ITGA8: variants seen among roughly 807,000 people sequenced by gnomAD.
ITGA8 encodes the protein integrin subunit alpha 8, also known as integrin alpha-8.
Under a neutral mutation model 142.3 loss-of-function variants are expected in ITGA8, and 91 were observed. That is an observed-to-expected ratio of 0.64 (90% CI 0.54 to 0.76). The LOEUF (loss-of-function observed/expected upper bound fraction) is 0.76, where lower values mean the gene tolerates loss of function less well. Among genes scored for constraint, ITGA8 ranks in the 30% least tolerant of loss-of-function variants. ITGA8 has a pLI of 0.00. For synonymous variants in ITGA8, 505 were observed against 485.2 expected, an observed-to-expected ratio of 1.04 and a Z score of -0.54; for missense variants, 1,406 against 1,327.7, an observed-to-expected ratio of 1.06 and a Z score of -0.92.
intron 27 of ITGA8, among the ~76,000 whole-genome samples, chr10:15,542,956 G>A (rs1833601468): frequency 6.6e-6 from 1 of 152,148 alleles, no homozygotes; most frequent in Non-Finnish European, 1.5e-5. Context: ...AGCGTAAAGA[G>A]CCATTTAGAT....
intron 7 of ITGA8, among the ~76,000 whole-genome samples, chr10:15,671,982 A>T (rs942409851): frequency 2.0e-5 from 3 of 151,976 alleles, no homozygotes; most frequent in African/African-American, 7.3e-5. Flanking sequence ...GTTGCATTTT[A>T]AGAGCTGCTG....
rs189353301 is a variant in ITGA8, at chr10:15,684,833, G to A, written c.445-706C>T. Reference sequence around the variant, plus strand: ...TCAGTGTGATGTCTTATGAGAACAAGTTCCTTTCTGTGTCTAATTATTGCT... The same window carrying A: ...TCAGTGTGATGTCTTATGAGAACAAATTCCTTTCTGTGTCTAATTATTGCT... On this transcript the variant is annotated intron_variant, in intron 3 of 29. Transcript: ENST00000378076. Among the ~76,000 whole-genome samples, 672 of 152,278 alleles carry A rather than the reference G, an allele frequency of 4.4e-3. 22 individuals are homozygous for A. Among genetic ancestry groups the A allele is most frequent in the Admixed American group, 0.04 (609 of 15,282 alleles).
At chr10:15,689,504 C>T (rs1447279070) in intron 2 of ITGA8, among the ~76,000 whole-genome samples, 1 of 152,194 alleles carries the variant, frequency 6.6e-6, no homozygotes, top group Non-Finnish European at 1.5e-5. Flanking sequence ...TGGACACCTG[C>T]AGTCTTTGCT....
intron 23 of ITGA8, among the ~76,000 whole-genome samples, chr10:15,581,020 G>A (rs911880502): frequency 1.3e-5 from 2 of 152,234 alleles, no homozygotes; most frequent in Non-Finnish European, 2.9e-5. Context: ...CAGCTTCTGG[G>A]GGGTAATGAG....
chr10:15,672,644 GA>G lies in ITGA8; in HGVS notation c.781del (p.Ser261ProfsTer46), dbSNP rs1200546899. ...GEKQTEVAPA[S>X]YDDSYLGYSV... ...CTTACCAAGGTAACTGTCATCATAGGAAGCTGGAGCCACTTCCGTCTGCTTT... is the reference window on the plus strand; with the variant it reads ...CTTACCAAGGTAACTGTCATCATAGGAGCTGGAGCCACTTCCGTCTGCTTT... On this transcript the variant is annotated frameshift_variant, in exon 7 of 30. Coordinates refer to ENST00000378076, the MANE Select transcript of ITGA8 (RefSeq NM_003638.3). LOFTEE classifies it high-confidence loss of function. The G allele has an allele frequency of 1.9e-6, 3 of 1,613,508 alleles. No individual in the cohort carries two copies. The Admixed American group carries it at 5.0e-5, about 27-fold the overall frequency.
chr10:15,669,650 A>G (rs1158517594), intron 8 of ITGA8, among the ~76,000 whole-genome samples: 1 of 151,666 alleles, frequency 6.6e-6, no homozygotes, highest in Non-Finnish European at 1.5e-5. Flanking sequence ...GGTTTTATCT[A>G]CCTTTGGTCT....
At chr10:15,610,857 T>A (rs1833281018) in intron 15 of ITGA8, among the ~76,000 whole-genome samples, 1 of 152,254 alleles carries the variant, frequency 6.6e-6, no homozygotes, top group Non-Finnish European at 1.5e-5. Flanking sequence ...ACTGGGTCGT[T>A]ACTCACTTTT....
intron 20 of ITGA8, among the ~76,000 whole-genome samples, chr10:15,600,303 T>C (rs1215025060): frequency 2.0e-5 from 3 of 152,220 alleles, no homozygotes; most frequent in South Asian, 2.1e-4. Context: ...ACCCAGTTCA[T>C]AGCAGTTGTT....
intron 2 of ITGA8, among the ~76,000 whole-genome samples, chr10:15,689,324 G>A (rs974688791): frequency 2.0e-5 from 3 of 152,176 alleles, no homozygotes; most frequent in African/African-American, 2.4e-5. Flanking sequence ...GGAGATCGCT[G>A]GAGAACAGCA....
At chr10:15,708,445 C>A (rs370629924) in intron 2 of ITGA8, among the ~76,000 whole-genome samples, 94 of 152,196 alleles carry the variant, frequency 6.2e-4, no homozygotes, top group African/African-American at 2.1e-3. Context: ...TTGGTATAAA[C>A]GTCTCACTCA....
At chr10:15,603,143 TAAG>T (rs1336442868) in intron 20 of ITGA8, among the ~76,000 whole-genome samples, 1 of 151,584 alleles carries the variant, frequency 6.6e-6, no homozygotes, top group Non-Finnish European at 1.5e-5. Context: ...TGTTTTTTAC[TAAG>T]AAGATCGTTC....
intron 9 of ITGA8, among the ~76,000 whole-genome samples, chr10:15,659,979 T>C (rs1416150616): frequency 1.3e-5 from 2 of 152,212 alleles, no homozygotes; most frequent in African/African-American, 4.8e-5. Flanking sequence ...TTTATGTTGT[T>C]TGAAGCCAGG....
At chr10:15,544,645 G>C (rs1166398446) in intron 27 of ITGA8, among the ~76,000 whole-genome samples, 1 of 152,164 alleles carries the variant, frequency 6.6e-6, no homozygotes, top group Admixed American at 6.6e-5. Flanking sequence ...TCAAGAGTTG[G>C]CTAACGATCT....
At position 15,521,174 on chromosome 10, in the gene ITGA8, A is replaced by G. The variant is rs1258909373; in HGVS notation, c.2983-1762T>C. The stretch of plus-strand genomic sequence containing the variant: ...GCTGGGGTTATAGGCATGTGCCACC[A>G]CACCCAGCTATTTTTTTTTTTGTAT... On this transcript the variant is annotated intron_variant, in intron 28 of 29. Transcript: ENST00000378076. 4.0e-5 allele frequency among the ~76,000 whole-genome samples: 6 copies of G among 148,156 alleles called. No homozygotes were observed. The East Asian group carries it at 9.7e-4, about 24-fold the overall frequency.
chr10:15,651,475 C>T (rs1834083694), intron 11 of ITGA8, among the ~76,000 whole-genome samples: 1 of 151,352 alleles, frequency 6.6e-6, no homozygotes, highest in South Asian at 2.1e-4. Context: ...TTTTTCTTAA[C>T]AGAAAAATAT....
chr10:15,609,585 A>G (rs1183334726), intron 15 of ITGA8, among the ~76,000 whole-genome samples: 4 of 152,232 alleles, frequency 2.6e-5, no homozygotes, highest in African/African-American at 9.6e-5. Flanking sequence ...TTCCCCAGAG[A>G]AATCACTGAT....
intron 3 of ITGA8, among the ~76,000 whole-genome samples, chr10:15,684,363 T>C (rs1564408044): frequency 1.3e-5 from 2 of 151,954 alleles, no homozygotes; most frequent in Non-Finnish European, 2.9e-5. Context: ...ATGAGTTTTC[T>C]GACAATAGTT....
At position 15,605,773 on chromosome 10, in the gene ITGA8, A is replaced by T. The variant is rs1833183882; in HGVS notation, c.1921T>A (p.Cys641Ser). The part of the protein sequence containing the change: ...VSEQAHILVD[C>S]GEDNLCVPDL... ...GGAACACACAGATTGTCTTCTCCAC[A>T]GTCCACCAGAATGTGAGCCTGTGTT... is the stretch of plus-strand genomic sequence containing the variant. Residue 641 changes from cysteine to serine, a missense_variant, in exon 19 of 30, where the codon TGT (cysteine) becomes AGT (serine). Physicochemically the swap from Cys to Ser is moderately radical, Grantham distance 112. Coordinates refer to ENST00000378076, the MANE Select transcript of ITGA8 (RefSeq NM_003638.3). 5 of 1,613,424 alleles carry T rather than the reference A, an allele frequency of 3.1e-6. No homozygotes were observed. Among genetic ancestry groups the T allele is most frequent in the Non-Finnish European group, 4.2e-6 (5 of 1,179,498 alleles).
intron 20 of ITGA8, among the ~76,000 whole-genome samples, chr10:15,602,615 G>A (rs973858707): frequency 2.6e-5 from 4 of 152,026 alleles, no homozygotes; most frequent in African/African-American, 9.7e-5. Context: ...GTGCACACCC[G>A]TAGTCCTAGC....
Sources: allele counts gnomAD v4.1 joint callset (sites outside exome capture counted in the v4.1 genomes callset), GRCh38; gene constraint gnomAD v4.1.1; transcripts MANE v1.5; gene names NCBI Gene and HGNC (gene_info 2026-07-23, HGNC 2026-07-21).